The following ANXA4 variants were observed in gnomAD, a reference collection of about 807,000 sequenced individuals.
ANXA4 encodes 35-beta calcimedin.
Under a neutral mutation model 49.8 loss-of-function variants are expected in ANXA4, and 39 were observed. That is an observed-to-expected ratio of 0.78 (90% confidence interval 0.61 to 1.02). The LOEUF is 1.02. Ranked by LOEUF, ANXA4 falls within the 50% of genes least tolerant of loss-of-function variation. The probability of loss-of-function intolerance (pLI) is 0.00; values close to 1 mark genes in which losing one functional copy is unlikely to be tolerated. For missense variants in ANXA4, 360 were observed against 410.1 expected, an observed-to-expected ratio of 0.88 and a Z score of 1.05; for synonymous variants, 134 against 152.5, an observed-to-expected ratio of 0.88 and a Z score of 0.89.
chr2:69,682,352 G>A (rs1486591312), intron 2 of ANXA4, among the ~76,000 whole-genome samples: 2 of 151,618 alleles, frequency 1.3e-5, no homozygotes, highest in African/African-American at 4.9e-5. Context: ...GATATTTTAC[G>A]TTTCTTCTAT....
In ANXA4 at chr2:69,774,640, A is replaced by G. The variant is rs144319086; in HGVS notation, c.-46-6880A>G. Among the ~76,000 whole-genome samples the G allele has an allele frequency of 5.5e-3, 839 of 152,210 alleles. 4 individuals carry two copies. The highest frequency in any genetic ancestry group is 0.01 in the Middle Eastern group (3 of 294). On this transcript the variant is annotated intron_variant, in intron 1 of 12. Coordinates refer to ENST00000394295, the MANE Select transcript of ANXA4 (RefSeq NM_001153.5). ...CAGGCGTGAGCCACCGCGTCCAGCC[A>G]AAAGGAGCCCCCTTAATCACAGCGT...
chr2:69,739,804 T>G (rs1337254557), upstream of ANXA4, among the ~76,000 whole-genome samples: 1 of 152,124 alleles, frequency 6.6e-6, no homozygotes, highest in Non-Finnish European at 1.5e-5. Context: ...TCAGGTTTCC[T>G]GGAAACAGAG....
intron 12 of ANXA4, among the ~76,000 whole-genome samples, chr2:69,825,128 T>C (rs931250968): frequency 8.6e-5 from 12 of 139,226 alleles, no homozygotes; most frequent in Admixed American, 1.4e-4. Context: ...AAATAGGCTA[T>C]ATTGTTAAGT....
intron 1 of ANXA4, among the ~76,000 whole-genome samples, chr2:69,777,107 C>T (rs934844626): frequency 2.6e-5 from 4 of 152,120 alleles, no homozygotes; most frequent in Non-Finnish European, 2.9e-5. Flanking sequence ...GGGTGGGGCA[C>T]GTGGGGAGGG....
At position 69,754,426 on chromosome 2, in the gene ANXA4, T is replaced by G. The variant is rs17036972; in HGVS notation, c.-47+12251T>G. Reference sequence around the variant, plus strand: ...CGGGATTCTTGCACTTTACAAAGATTATTTATTTTTATTTTTTAGAGATGG... The same window carrying G: ...CGGGATTCTTGCACTTTACAAAGATGATTTATTTTTATTTTTTAGAGATGG... On this transcript the variant is annotated intron_variant, in intron 1 of 12. Coordinates refer to ENST00000394295, the MANE Select transcript of ANXA4 (RefSeq NM_001153.5). Among the ~76,000 whole-genome samples the G allele has an allele frequency of 8.3e-3, 1,266 of 152,230 alleles. 19 individuals carry two copies. The highest frequency in any genetic ancestry group is 0.075 in the East Asian group (389 of 5,178).
intron 3 of ANXA4, among the ~76,000 whole-genome samples, chr2:69,791,798 A>G (rs1289251375): frequency 6.6e-6 from 1 of 152,242 alleles, no homozygotes; most frequent in Non-Finnish European, 1.5e-5. Context: ...GAATTAAAAC[A>G]AAACAACAAT....
At chr2:69,704,071 C>T (rs1678415760) in intron 2 of ANXA4, among the ~76,000 whole-genome samples, 1 of 151,974 alleles carries the variant, frequency 6.6e-6, no homozygotes, top group South Asian at 2.1e-4. Flanking sequence ...CAGATGACCC[C>T]AATATTATCT....
intron 2 of ANXA4, among the ~76,000 whole-genome samples, chr2:69,707,212 A>G (rs76441037): frequency 0.14 from 21,828 of 152,228 alleles, 2,220 homozygotes; most frequent in East Asian, 0.37. Flanking sequence ...GATAGACCCT[A>G]GCCATAGAGT....
At chr2:69,675,923 T>C (rs759916505) in intron 2 of ANXA4, among the ~76,000 whole-genome samples, 2 of 150,836 alleles carry the variant, frequency 1.3e-5, no homozygotes, top group Non-Finnish European at 3.0e-5. Context: ...AGGAGAATGG[T>C]GTGAACCCGG....
intron 2 of ANXA4, chr2:69,653,401 T>C (rs1365797197): frequency 6.6e-6 from 1 of 152,174 alleles, no homozygotes; most frequent in African/African-American, 2.4e-5. Context: ...AGGACAAAAA[T>C]CATTAACTGG....
chr2:69,721,094 G>A (rs1465461301), intron 3 of ANXA4, among the ~76,000 whole-genome samples: 1 of 152,260 alleles, frequency 6.6e-6, no homozygotes, highest in Non-Finnish European at 1.5e-5. Context: ...GGGCCTGCAT[G>A]CCCCCATGGC....
chr2:69,787,883 A>G (rs1407709441), intron 2 of ANXA4, among the ~76,000 whole-genome samples, 171 bp from the exon 3 acceptor site: 2 of 152,230 alleles, frequency 1.3e-5, no homozygotes, highest in Non-Finnish European at 2.9e-5. Flanking sequence ...CATGAGCTAG[A>G]GCATCAGTCC....
intron 1 of ANXA4, among the ~76,000 whole-genome samples, chr2:69,758,614 CCT>C (rs1203065297): frequency 6.6e-6 from 1 of 151,982 alleles, no homozygotes; most frequent in East Asian, 1.9e-4. Context: ...AGAGTGAGAC[CCT>C]GTTTCTTAAA....
chr2:69,682,677 G>A (rs1677640820), intron 2 of ANXA4, among the ~76,000 whole-genome samples: 1 of 152,034 alleles, frequency 6.6e-6, no homozygotes, highest in South Asian at 2.1e-4. Flanking sequence ...AAAATAAAAT[G>A]GAAAACTATG....
At chr2:69,797,154 G>A (rs560764585) in intron 3 of ANXA4, among the ~76,000 whole-genome samples, 46 of 152,278 alleles carry the variant, frequency 3.0e-4, no homozygotes, top group African/African-American at 1.1e-3. Flanking sequence ...CACTCCAGAG[G>A]AGTGCCGGCT....
chr2:69,713,976 ACT>A (rs1229085867), intron 2 of ANXA4: 1 of 152,060 alleles, frequency 6.6e-6, no homozygotes, highest in Non-Finnish European at 1.5e-5. Context: ...AAGGAGCTCT[ACT>A]CTCCCTTGCT....
rs1298223719 is a variant in ANXA4, at chr2:69,651,821, G to C, written n.482-1177G>C. ...CCGGCTTTTTTTTTTTTTTTTTGGG[G>C]GGGGGGGGCGGGGAGACAGAGTCTC... On this transcript the variant is annotated intron_variant and non_coding_transcript_variant, in intron 1 of 3. Transcript: ENST00000418066. 4.1e-4 allele frequency among the ~76,000 whole-genome samples: 17 copies of C among 41,548 alleles called. No individual in the cohort carries two copies. In the East Asian group the frequency reaches 4.7e-3, roughly 11 times the overall value. 27.3% of individuals were successfully genotyped at this position (41,548 alleles called of 152,430 possible).
intron 3 of ANXA4, among the ~76,000 whole-genome samples, chr2:69,736,662 CT>C: frequency 6.6e-6 from 1 of 152,256 alleles, no homozygotes. Context: ...CTGAAAACTT[CT>C]TAAGAAAAGG....
chr2:69,768,695 A>G (rs984817521), intron 1 of ANXA4, among the ~76,000 whole-genome samples: 14 of 152,210 alleles, frequency 9.2e-5, no homozygotes, highest in African/African-American at 3.4e-4. Context: ...CCCATGATAG[A>G]AATAATCAGC....
Sources: allele counts gnomAD v4.1 joint callset (sites outside exome capture counted in the v4.1 genomes callset), GRCh38; gene constraint gnomAD v4.1.1; transcripts MANE v1.5; gene names NCBI Gene and HGNC (gene_info 2026-07-23, HGNC 2026-07-21).